Variants in CC2D2A observed in about 807,000 individuals in gnomAD.
The protein encoded by CC2D2A is coiled-coil and C2 domain-containing protein 2A.
Under a neutral mutation model 212.9 loss-of-function variants are expected in CC2D2A, and 155 were observed. The ratio of observed to expected loss-of-function variants is 0.73; its 90% confidence interval spans 0.64 to 0.83. The LOEUF is 0.83. Ranked by LOEUF, CC2D2A falls within the 40% of genes least tolerant of loss-of-function variation. The pLI, the probability that CC2D2A is intolerant of heterozygous loss-of-function variation, is 0.00. For missense variants in CC2D2A, 1,856 were observed against 1,956.2 expected (o/e 0.95, Z 0.97); for synonymous variants, 667 against 686.5 (o/e 0.97, Z 0.44).
chr4:15,520,177 G>T (rs1717123403), intron 11 of CC2D2A, among the ~76,000 whole-genome samples: 1 of 151,974 alleles, frequency 6.6e-6, no homozygotes, highest in South Asian at 2.1e-4. Context: ...TCCTCATAGG[G>T]TCATGATGAG....
intron 34 of CC2D2A, among the ~76,000 whole-genome samples, chr4:15,597,190 A>C (rs1237749101): frequency 6.6e-6 from 1 of 152,192 alleles, no homozygotes; most frequent in Non-Finnish European, 1.5e-5. Flanking sequence ...AATTCAGGTC[A>C]TGGTTACTTC....
intron 26 of CC2D2A, among the ~76,000 whole-genome samples, chr4:15,568,845 G>A (rs1440950682): frequency 1.3e-5 from 2 of 152,146 alleles, no homozygotes; most frequent in East Asian, 1.9e-4. Context: ...GTGAGGCAGG[G>A]ACCATTAGAC....
At chr4:15,501,057 G>A (rs1034197915) in intron 4 of CC2D2A, among the ~76,000 whole-genome samples, 3 of 152,036 alleles carry the variant, frequency 2.0e-5, no homozygotes, top group East Asian at 1.9e-4. Flanking sequence ...CAAACTCCTC[G>A]TGTTGAAACC....
chr4:15,540,205 C>T (rs921865197), intron 16 of CC2D2A, among the ~76,000 whole-genome samples: 4 of 151,976 alleles, frequency 2.6e-5, no homozygotes, highest in Admixed American at 6.6e-5. Flanking sequence ...GCTTGAATTG[C>T]TATTGACTTA....
intron 35 of CC2D2A, among the ~76,000 whole-genome samples, chr4:15,597,667 C>T (rs927780587): frequency 6.6e-6 from 1 of 152,178 alleles, no homozygotes; most frequent in Non-Finnish European, 1.5e-5. Flanking sequence ...GTGGAACCAA[C>T]CAGAGTGGAA....
chr4:15,565,022 T>G (rs1221868938), intron 24 of CC2D2A, among the ~76,000 whole-genome samples: 2 of 152,146 alleles, frequency 1.3e-5, no homozygotes, highest in African/African-American at 4.8e-5. Context: ...TTTAACTAAT[T>G]CGTTAACCTA....
chr4:15,524,248 T>C lies in CC2D2A; in HGVS notation c.1150-3199T>C, dbSNP rs776970467. 1.7e-4 allele frequency among the ~76,000 whole-genome samples: 26 copies of C among 150,672 alleles called. No individual in the cohort carries two copies. In the South Asian group the frequency reaches 4.2e-3, roughly 25 times the overall value. On this transcript the variant is annotated intron_variant, in intron 11 of 36. Coordinates refer to ENST00000424120, the MANE Select transcript of CC2D2A (RefSeq NM_001378615.1). The stretch of plus-strand genomic sequence containing the variant: ...TCCTGGGTTCAAGCAATTCTCTGCC[T>C]CAACCTCCCGAGTAGCTGGGATTAT...
At chr4:15,482,791 G>T (rs1714771650) in intron 4 of CC2D2A, among the ~76,000 whole-genome samples, 1 of 152,144 alleles carries the variant, frequency 6.6e-6, no homozygotes, top group African/African-American at 2.4e-5. Flanking sequence ...ACCAGTCAAG[G>T]CTCTGTGACA....
intron 31 of CC2D2A, among the ~76,000 whole-genome samples, chr4:15,586,562 T>G (rs1166904595): frequency 6.6e-6 from 1 of 152,204 alleles, no homozygotes; most frequent in Non-Finnish European, 1.5e-5. Flanking sequence ...ACATTCTATA[T>G]TATAATTAGA....
chr4:15,512,825 C>A (rs1275284044), intron 8 of CC2D2A, among the ~76,000 whole-genome samples: 1 of 151,922 alleles, frequency 6.6e-6, no homozygotes, highest in Non-Finnish European at 1.5e-5. Flanking sequence ...TGGTGGCAGG[C>A]ACCTGTAATC....
chr4:15,495,301 G>T (rs1455082443), intron 4 of CC2D2A, among the ~76,000 whole-genome samples: 2 of 152,086 alleles, frequency 1.3e-5, no homozygotes, highest in South Asian at 2.1e-4. Context: ...TAGAGACGGG[G>T]TTTCACCATG....
chr4:15,553,594 T>TG (rs1257287847), intron 19 of CC2D2A, among the ~76,000 whole-genome samples: 1 of 152,220 alleles, frequency 6.6e-6, no homozygotes, highest in African/African-American at 2.4e-5. Context: ...CTCCCCTATT[T>TG]TACAGATGGG....
intron 4 of CC2D2A, among the ~76,000 whole-genome samples, chr4:15,489,159 GA>G (rs977788861): frequency 6.6e-6 from 1 of 152,168 alleles, no homozygotes; most frequent in Non-Finnish European, 1.5e-5. Context: ...AGTATTGGTG[GA>G]AAAGAAAGTT....
rs764073088 is a variant in CC2D2A at position 15,538,122 on chromosome 4, A to C, written c.1988A>C (p.Asn663Thr). ...ELSLAGSVTP[N>T]DQCPRAEVSR... ...AGCCTGGCAGGAAGCGTAACACCCA[A>C]TGACCAGTGCCCCAGGTGAGTGGAT... Residue 663 changes from asparagine (N) to threonine (T), a missense_variant, in exon 16 of 37, where the codon AAT becomes ACT. Asn to Thr is a moderately conservative substitution (Grantham distance 65). Coordinates refer to ENST00000424120, the MANE Select transcript of CC2D2A (RefSeq NM_001378615.1). 9.5e-6 allele frequency: 15 copies of C among 1,585,498 alleles called. No homozygotes were observed. Among genetic ancestry groups the C allele is most frequent in the Non-Finnish European group, 1.3e-5 (15 of 1,164,332 alleles).
chr4:15,597,560 T>G, intron 35 of CC2D2A, 95 bp downstream of exon 35: 1 of 936,550 alleles, frequency 1.1e-6, no homozygotes, highest in Non-Finnish European at 1.7e-6. Context: ...GTGAAACAAT[T>G]TAGGCAACTT....
chr4:15,591,807 T>C (rs1366017176), intron 33 of CC2D2A, among the ~76,000 whole-genome samples: 1 of 152,204 alleles, frequency 6.6e-6, no homozygotes, highest in African/African-American at 2.4e-5. Context: ...TTCAAATAAC[T>C]CTGTTATCTG....
chr4:15,589,665 A>G lies in CC2D2A; in HGVS notation c.4300A>G (p.Ile1434Val), dbSNP rs1300060034. ...TCCCTTGAAAAATGTGGGCTGTTTA[A>G]TAGGTCCTGACAATGTAAGTATTAA... ...FCPLKNVGCL[I>V]GPDNIWFNIQ... Residue 1434 changes from isoleucine to valine, a missense_variant, in exon 33 of 37, where the codon ATA (isoleucine) becomes GTA (valine). Physicochemically the swap from Ile to Val is conservative, Grantham distance 29. Coordinates refer to ENST00000424120, the MANE Select transcript of CC2D2A (RefSeq NM_001378615.1). 4 of 1,594,474 alleles carry G rather than the reference A, an allele frequency of 2.5e-6. No individual in the cohort carries two copies. The highest frequency in any genetic ancestry group is 3.4e-6 in the Non-Finnish European group (4 of 1,169,072).
At chr4:15,500,883 C>G (rs1225664635) in intron 4 of CC2D2A, among the ~76,000 whole-genome samples, 1 of 152,178 alleles carries the variant, frequency 6.6e-6, no homozygotes, top group Non-Finnish European at 1.5e-5. Context: ...GGCTTCAGCG[C>G]TCACCATGGT....
Position 15,528,656 on chromosome 4 carries a change from G to C in CC2D2A, c.1396G>C (p.Asp466His). The change falls in exon 13 of 37, where the codon GAT (aspartate) becomes CAT (histidine). Residue 466 changes from aspartate (D) to histidine (H), a missense_variant. Asp to His is a moderately conservative substitution (Grantham distance 81). This residue lies in a region of CC2D2A where 1,512 missense variants were observed against 1,579.3 expected (regional missense o/e 0.96). Coordinates refer to ENST00000424120, the MANE Select transcript of CC2D2A (RefSeq NM_001378615.1). ...AAGAAATGCTGTTCAGACTGGCCTT[G>C]ATCCAGAAAAACCTCATCAGTCTCT... is the stretch of plus-strand genomic sequence containing the variant. ...ALRNAVQTGL[D>H]PEKPHQSLDT... is the part of the protein sequence containing the mutation. 6.2e-7 allele frequency: 1 copy of C among 1,613,866 alleles called. No homozygotes were observed. Among genetic ancestry groups the C allele is most frequent in the Non-Finnish European group, 8.5e-7 (1 of 1,179,836 alleles).
Sources: allele counts gnomAD v4.1 joint callset (sites outside exome capture counted in the v4.1 genomes callset), GRCh38; gene constraint gnomAD v4.1.1; regional missense constraint gnomAD v4.1.1; transcripts MANE v1.5; gene names NCBI Gene and HGNC (gene_info 2026-07-23, HGNC 2026-07-21).